Variants in EPB41L1 observed in about 807,000 individuals in gnomAD.
EPB41L1 encodes the protein band 4.1-like protein 1.
In EPB41L1, 29 loss-of-function variants were observed where a neutral mutation model predicts 97.8. The ratio of observed to expected loss-of-function variants is 0.30; its 90% CI spans 0.22 to 0.40. EPB41L1 has a LOEUF of 0.40. Among genes scored for constraint, EPB41L1 ranks in the 10% least tolerant of loss-of-function variants. EPB41L1 has a pLI of 1.00. For missense variants in EPB41L1, 812 were observed against 1,162.3 expected (o/e 0.70, Z 4.38); for synonymous variants, 383 against 459.2 (o/e 0.83, Z 2.12).
chr20:36,132,573 G>GGT (rs1555836964), intron 2 of EPB41L1, among the ~76,000 whole-genome samples: 1 of 79,034 alleles, frequency 1.3e-5, no homozygotes, highest in African/African-American at 6.1e-5. Context: ...TGGGCGGGGG[G>GGT]GGGGGGCGCA....
At chr20:36,186,112 G>A (rs923155630) in intron 7 of EPB41L1, among the ~76,000 whole-genome samples, 1 of 152,148 alleles carries the variant, frequency 6.6e-6, no homozygotes, top group Non-Finnish European at 1.5e-5. Context: ...CAGCATCCCT[G>A]GGACCCAGTA....
At position 36,195,781 on chromosome 20, in the gene EPB41L1, C is replaced by T. The variant is rs1029296125; in HGVS notation, c.1485+417C>T. Among the ~76,000 whole-genome samples, 9 of 152,254 alleles carry T rather than the reference C, an allele frequency of 5.9e-5. No individual in the cohort carries two copies. The highest frequency in any genetic ancestry group is 1.9e-4 in the East Asian group (1 of 5,174). On this transcript the variant is annotated intron_variant, in intron 13 of 21. Transcript: ENST00000338074. The surrounding 1 kb of genome is among the most constrained non-coding windows in gnomAD (Gnocchi z 4.6). The stretch of plus-strand genomic sequence containing the variant: ...CCTGCCCGACAGCACTGTTTGGTCT[C>T]GCCTCCATCTCGTCTGTGTCCCCTG...
At chr20:36,213,068 G>C (rs2063224054) in intron 16 of EPB41L1, among the ~76,000 whole-genome samples, 1 of 152,158 alleles carries the variant, frequency 6.6e-6, no homozygotes, top group Admixed American at 6.5e-5. Flanking sequence ...TACAATGCTA[G>C]GAGCTTTTTT....
At chr20:36,202,802 C>T (rs1443519913) in intron 14 of EPB41L1, among the ~76,000 whole-genome samples, 1 of 144,608 alleles carries the variant, frequency 6.9e-6, no homozygotes, top group Non-Finnish European at 1.5e-5. Context: ...CAGAGCAAAA[C>T]TCCGTCTCAA....
intron 1 of EPB41L1, among the ~76,000 whole-genome samples, chr20:36,101,406 G>T (rs553216465): frequency 3.3e-5 from 5 of 152,090 alleles, no homozygotes; most frequent in Non-Finnish European, 5.9e-5. Flanking sequence ...TCAGCTTGTT[G>T]AGCCTCCACC....
rs962938216 is a variant in EPB41L1 at position 36,212,879 on chromosome 20, G to T, written c.2184+503G>T. Among the ~76,000 whole-genome samples, 16 of 152,202 alleles carry T rather than the reference G, an allele frequency of 1.1e-4. No individual in the cohort carries two copies. Among genetic ancestry groups the T allele is most frequent in the Non-Finnish European group, 1.8e-4 (12 of 68,036 alleles). ...ATGAACAAAGTGAAAGAAGAAAACC[G>T]AAGATCATGTGTCTTGACAAGAAGC... On this transcript the variant is annotated intron_variant, in intron 16 of 21. Transcript: ENST00000338074. This position sits in a 1 kb window ranked among gnomAD's most constrained non-coding sequence, Gnocchi z 4.8.
chr20:36,171,766 C>A (rs1366887401), intron 1 of EPB41L1, among the ~76,000 whole-genome samples: 1 of 152,110 alleles, frequency 6.6e-6, no homozygotes, highest in Non-Finnish European at 1.5e-5. Context: ...CGTGGCTAGC[C>A]CAGGGTGGAT....
intron 11 of EPB41L1, among the ~76,000 whole-genome samples, chr20:36,191,961 C>T (rs1301591838): frequency 1.3e-5 from 2 of 152,196 alleles, no homozygotes; most frequent in African/African-American, 4.8e-5. Context: ...CATGGTGACT[C>T]ATGCCTGTAA....
intron 1 of EPB41L1, among the ~76,000 whole-genome samples, chr20:36,110,335 A>G (rs1022744537): frequency 2.0e-4 from 31 of 152,316 alleles, no homozygotes; most frequent in African/African-American, 7.0e-4. Flanking sequence ...AGAACTGCTG[A>G]TCACATAGCA....
In EPB41L1 at chr20:36,215,366, G is replaced by A. The variant is rs368686581; in HGVS notation, c.2268+926G>A. Among the ~76,000 whole-genome samples, 64 of 152,250 alleles carry A rather than the reference G, an allele frequency of 4.2e-4. No individual in the cohort carries two copies. In the South Asian group the frequency reaches 9.1e-3, roughly 22 times the overall value. ...ATCCTGACCATTGTGAACATCAGCC[G>A]CATGGGGCTGGGGCTGCGGTTGCAG... On this transcript the variant is annotated intron_variant, in intron 17 of 21. Transcript: ENST00000338074.
In EPB41L1 at chr20:36,211,365, A is replaced by G. The variant is rs578037864; in HGVS notation, c.2080-907A>G. Among the ~76,000 whole-genome samples the G allele has an allele frequency of 1.2e-4, 19 of 152,294 alleles. 1 individual carries two copies. Among genetic ancestry groups the G allele is most frequent in the Admixed American group, 1.2e-3 (19 of 15,300 alleles). ...CATTACACTCCAGCCTGGGCAACGG[A>G]ACGAGATTCCATCTCAAAAAACAAA... On this transcript the variant is annotated intron_variant, in intron 15 of 21. Coordinates refer to ENST00000338074, the MANE Select transcript of EPB41L1 (RefSeq NM_012156.2).
chr20:36,179,049 T>C (rs756895872), intron 5 of EPB41L1, among the ~76,000 whole-genome samples: 2 of 145,508 alleles, frequency 1.4e-5, no homozygotes, highest in Non-Finnish European at 3.0e-5. Flanking sequence ...CACTCCAGCC[T>C]GGGCAACAGA....
Position 36,212,105 on chromosome 20 carries a change from CTA to C in EPB41L1, c.2080-165_2080-164del, listed in dbSNP as rs1428319973. 6.6e-6 allele frequency among the ~76,000 whole-genome samples: 1 copy of C among 152,216 alleles called. No individual in the cohort carries two copies. The highest frequency in any genetic ancestry group is 1.5e-5 in the Non-Finnish European group (1 of 68,034). On this transcript the variant is annotated intron_variant, in intron 15 of 21. Coordinates refer to ENST00000338074, the MANE Select transcript of EPB41L1 (RefSeq NM_012156.2). This position sits in a 1 kb window ranked among gnomAD's most constrained non-coding sequence, Gnocchi z 4.8. ...CTGGCTCTCCTCGCGGGCTATCTGT[CTA>C]TGATATCACACCACAACTCTTTTAC...
At chr20:36,196,597 A>G (rs1221035297) in intron 13 of EPB41L1, among the ~76,000 whole-genome samples, 1 of 152,226 alleles carries the variant, frequency 6.6e-6, no homozygotes, top group Non-Finnish European at 1.5e-5. Context: ...TTCCTGAGGT[A>G]GCTTAGGAGT....
At chr20:36,143,317 G>C (rs1320114157) in intron 2 of EPB41L1, among the ~76,000 whole-genome samples, 1 of 152,012 alleles carries the variant, frequency 6.6e-6, no homozygotes, top group East Asian at 1.9e-4. Flanking sequence ...ACAGCTAGTG[G>C]GGGTAGCAGT....
At position 36,093,360 on chromosome 20, in the gene EPB41L1, T is replaced by C. The variant is rs1175594336; in HGVS notation, c.-65+1748T>C. Among the ~76,000 whole-genome samples the C allele has an allele frequency of 6.8e-6, 1 of 146,654 alleles. No homozygotes were observed. Among genetic ancestry groups the C allele is most frequent in the African/African-American group, 2.5e-5 (1 of 39,392 alleles). ...GCGCGCGTCGCTGTGTGCGCGCCAG[T>C]GTAACTCCCGTGTGTGCGCGTGTGA... On this transcript the variant is annotated intron_variant, in intron 1 of 19. Transcript: ENST00000202028. The surrounding 1 kb of genome is among the most constrained non-coding windows in gnomAD (Gnocchi z 5.4).
At position 36,232,326 on chromosome 20, in the gene EPB41L1, G is replaced by T; in HGVS notation, c.*2986G>T. ...TCCCTGAGGGCGGTTAGGAGTTCTG[G>T]GTGACCATCCTGGCTCAGCTCCTAA... On this transcript the variant is annotated 3_prime_UTR_variant, in exon 22 of 22. Coordinates refer to ENST00000338074, the MANE Select transcript of EPB41L1 (RefSeq NM_012156.2). 1 of 323,310 alleles carries T rather than the reference G, an allele frequency of 3.1e-6. No individual in the cohort carries two copies. Among genetic ancestry groups the T allele is most frequent in the Admixed American group, 4.9e-5 (1 of 20,348 alleles). 20.0% of individuals were successfully genotyped at this position (323,310 alleles called of 1,614,324 possible). A position where few individuals can be genotyped will look rare whatever the true frequency, so the allele number is the denominator to read the frequency against.
In EPB41L1 at chr20:36,229,273, C is replaced by T. The variant is rs540933837; in HGVS notation, c.2638-59C>T. The T allele has an allele frequency of 6.3e-6, 9 of 1,435,008 alleles. No individual in the cohort carries two copies. The Admixed American group carries it at 7.1e-5, about 11-fold the overall frequency. 88.9% of individuals were successfully genotyped at this position (1,435,008 alleles called of 1,614,324 possible). A position where few individuals can be genotyped will look rare whatever the true frequency, so the allele number is the denominator to read the frequency against. ...AGAAGTTACTAATTTTTCTTGTCCTCTTCCTTCCTTTCCCCCCACTCCCCA... is the reference window on the plus strand; with the variant it reads ...AGAAGTTACTAATTTTTCTTGTCCTTTTCCTTCCTTTCCCCCCACTCCCCA... On this transcript the variant is annotated intron_variant, in intron 21 of 21. Coordinates refer to ENST00000338074, the MANE Select transcript of EPB41L1 (RefSeq NM_012156.2).
At chr20:36,225,365 T>C (rs1253350410) in intron 21 of EPB41L1, among the ~76,000 whole-genome samples, 2 of 152,170 alleles carry the variant, frequency 1.3e-5, no homozygotes, top group Non-Finnish European at 2.9e-5. Context: ...TGGGGAAGCC[T>C]GTTTAAAATA....
Sources: gnomAD v4.1 joint callset for allele counts (sites outside exome capture counted in the v4.1 genomes callset) on GRCh38, gnomAD v4.1.1 for gene constraint, Gnocchi (gnomAD v3.1) non-coding constraint, MANE v1.5 for transcripts, NCBI Gene and HGNC (gene_info 2026-07-23, HGNC 2026-07-21) for gene names.